WWP1: variants seen among roughly 807,000 people sequenced by gnomAD.
WWP1 encodes the protein NEDD4-like E3 ubiquitin-protein ligase WWP1.
WWP1 carries 49 observed loss-of-function variants against 130.6 expected under a neutral mutation model. That is an observed-to-expected ratio of 0.38 (90% CI 0.30 to 0.48). The LOEUF is 0.48. Among genes scored for constraint, WWP1 ranks in the 20% least tolerant of loss-of-function variants. The pLI is 0.99. For missense variants in WWP1, 809 were observed against 1,100.6 expected, an observed-to-expected ratio of 0.74 and a Z score of 3.75; for synonymous variants, 332 against 367.8, an observed-to-expected ratio of 0.90 and a Z score of 1.11.
At chr8:86,449,740 G>T (rs1401827639) in intron 20 of WWP1, among the ~76,000 whole-genome samples, 1 of 152,140 alleles carries the variant, frequency 6.6e-6, no homozygotes, top group African/African-American at 2.4e-5. Context: ...TTAGATGCTA[G>T]CTGTCATCTC....
chr8:86,455,962 C>T (rs1811422646), intron 21 of WWP1, among the ~76,000 whole-genome samples: 1 of 151,922 alleles, frequency 6.6e-6, no homozygotes, highest in African/African-American at 2.4e-5. Flanking sequence ...TCCACACCTA[C>T]ATTGTCAATT....
At chr8:86,396,998 G>A (rs997350863) in intron 5 of WWP1, among the ~76,000 whole-genome samples, 7 of 152,146 alleles carry the variant, frequency 4.6e-5, no homozygotes, top group African/African-American at 1.4e-4. Flanking sequence ...AAAGTGCTGG[G>A]GTTACAGGTG....
intron 18 of WWP1, among the ~76,000 whole-genome samples, chr8:86,446,965 T>A (rs1810915783): frequency 6.6e-6 from 1 of 152,086 alleles, no homozygotes; most frequent in South Asian, 2.1e-4. Flanking sequence ...CTCTGTGAAA[T>A]AGGAAGTAAG....
chr8:86,408,922 AT>A (rs989749189), intron 8 of WWP1, among the ~76,000 whole-genome samples: 9 of 151,584 alleles, frequency 5.9e-5, no homozygotes, highest in African/African-American at 2.2e-4. Context: ...AAAAAAAAAA[AT>A]TTTTTTTCTT....
intron 14 of WWP1, among the ~76,000 whole-genome samples, chr8:86,432,132 T>G (rs1185575675): frequency 4.6e-5 from 7 of 152,204 alleles, no homozygotes. Context: ...AGTCTCTGTC[T>G]AGACTCTGTG....
chr8:86,383,320 TTC>T (rs1164561315), intron 5 of WWP1, among the ~76,000 whole-genome samples: 3 of 152,220 alleles, frequency 2.0e-5, no homozygotes, highest in Non-Finnish European at 4.4e-5. Flanking sequence ...TTGTTTTCAA[TTC>T]TGTTATGTTA....
At chr8:86,425,185 T>C (rs776838235) in intron 9 of WWP1, 38 bp from the exon 10 acceptor site, 1 of 1,533,844 alleles carries the variant, frequency 6.5e-7, no homozygotes, top group Middle Eastern at 2.0e-4. Flanking sequence ...TGTCCTAGTG[T>C]GTTGTCTCTT....
intron 9 of WWP1, among the ~76,000 whole-genome samples, chr8:86,421,545 C>T (rs946149031): frequency 6.6e-6 from 1 of 151,954 alleles, no homozygotes; most frequent in Non-Finnish European, 1.5e-5. Context: ...TGAAAATAGG[C>T]CGGGCATGGT....
At position 86,355,793 on chromosome 8, in the gene WWP1, G is replaced by GT. The variant is rs530154535; in HGVS notation, c.-115+12864dup. ...TTAACAGCCCACAAAACCACCTGACGTAAGCTTTAGTTGATAAGAGAATAG... is the reference window on the plus strand; with the variant it reads ...TTAACAGCCCACAAAACCACCTGACGTTAAGCTTTAGTTGATAAGAGAATAG... On this transcript the variant is annotated intron_variant, in intron 1 of 24. Transcript: ENST00000517970. 2.4e-4 allele frequency among the ~76,000 whole-genome samples: 36 copies of GT among 152,308 alleles called. No individual in the cohort carries two copies. The East Asian group carries it at 6.9e-3, about 29-fold the overall frequency.
chr8:86,439,446 T>C (rs1295851702), intron 17 of WWP1, among the ~76,000 whole-genome samples: 1 of 152,084 alleles, frequency 6.6e-6, no homozygotes, highest in Non-Finnish European at 1.5e-5. Flanking sequence ...CCCCCAACCT[T>C]GGTCTCCCAA....
intron 8 of WWP1, among the ~76,000 whole-genome samples, chr8:86,408,481 T>TC (rs1292404285): frequency 1.3e-5 from 2 of 152,342 alleles, no homozygotes; most frequent in East Asian, 1.9e-4. Context: ...GAATGAGAAT[T>TC]CCTAGTGCTT....
intron 1 of WWP1, among the ~76,000 whole-genome samples, chr8:86,352,347 A>G (rs1417294902): frequency 6.6e-6 from 1 of 151,798 alleles, no homozygotes; most frequent in African/African-American, 2.4e-5. Flanking sequence ...GCCTCATCCT[A>G]CCGAGTAGCT....
chr8:86,411,071 C>G (rs1239750380), intron 8 of WWP1, among the ~76,000 whole-genome samples: 1 of 152,192 alleles, frequency 6.6e-6, no homozygotes, highest in Non-Finnish European at 1.5e-5. Context: ...TGGGTTCTTG[C>G]AACCCCTATA....
Position 86,352,039 on chromosome 8 carries a change from C to CTTT in WWP1, c.-115+9125_-115+9127dup, listed in dbSNP as rs770047019. Among the ~76,000 whole-genome samples the CTTT allele has an allele frequency of 4.5e-3, 565 of 125,116 alleles. 9 individuals are homozygous for CTTT. The highest frequency in any genetic ancestry group is 0.02 in the South Asian group (72 of 3,680). 82.1% of individuals were successfully genotyped at this position (125,116 alleles called of 152,430 possible). ...TTCTAGCTAGCTAGCTAAAATATTCCTTTTTTTTTTTTTTTTTTGAGAAAA... is the reference window on the plus strand; with the variant it reads ...TTCTAGCTAGCTAGCTAAAATATTCCTTTTTTTTTTTTTTTTTTTTTGAGAAAA... On this transcript the variant is annotated intron_variant, in intron 1 of 24. Transcript: ENST00000517970.
At chr8:86,389,769 G>A (rs911518718) in intron 5 of WWP1, among the ~76,000 whole-genome samples, 1 of 150,996 alleles carries the variant, frequency 6.6e-6, no homozygotes, top group Admixed American at 6.6e-5. Context: ...CCCGGATGGG[G>A]CGGCTGCCCG....
At chr8:86,420,240 G>T (rs1809126736) in intron 9 of WWP1, among the ~76,000 whole-genome samples, 1 of 152,178 alleles carries the variant, frequency 6.6e-6, no homozygotes, top group African/African-American at 2.4e-5. Context: ...CTAATCAGAA[G>T]GCAGGTGCAA....
intron 1 of WWP1, 43 bp from the exon 2 acceptor site, chr8:86,368,896 A>G (rs1824130442): frequency 6.6e-6 from 1 of 152,122 alleles, no homozygotes; most frequent in South Asian, 2.1e-4. Context: ...TTTTGCATCT[A>G]TTTTAGGAAT....
chr8:86,367,870 C>T (rs1824059561), intron 1 of WWP1, among the ~76,000 whole-genome samples: 3 of 152,158 alleles, frequency 2.0e-5, no homozygotes, highest in Non-Finnish European at 4.4e-5. Flanking sequence ...ATTTGATCAG[C>T]ACTCTCTCAT....
At chr8:86,398,878 A>G (rs1021055143) in intron 7 of WWP1, among the ~76,000 whole-genome samples, 3 of 152,168 alleles carry the variant, frequency 2.0e-5, no homozygotes, top group Non-Finnish European at 4.4e-5. Context: ...CGTTTTTAAT[A>G]TATTAAGAGA....
Sources: gnomAD v4.1 joint callset for allele counts (sites outside exome capture counted in the v4.1 genomes callset) on GRCh38, gnomAD v4.1.1 for gene constraint, MANE v1.5 for transcripts, NCBI Gene and HGNC (gene_info 2026-07-23, HGNC 2026-07-21) for gene names.